Variants in SCFD1 observed in about 807,000 individuals in gnomAD.
The protein encoded by SCFD1 is sec1 family domain containing 1.
SCFD1 carries 37 observed loss-of-function variants against 103.2 expected under a neutral mutation model. The observed-to-expected ratio is 0.36, with a 90% CI of 0.28 to 0.47. The LOEUF is 0.47. Ranked by LOEUF, SCFD1 falls within the 20% of genes least tolerant of loss-of-function variation. SCFD1 has a pLI of 1.00. For missense variants in SCFD1, 639 were observed against 761.2 expected, an observed-to-expected ratio of 0.84 and a Z score of 1.89; for synonymous variants, 264 against 245.0, an observed-to-expected ratio of 1.08 and a Z score of -0.73.
intron 23 of SCFD1, among the ~76,000 whole-genome samples, chr14:30,733,001 T>C (rs1350914506): frequency 6.7e-6 from 1 of 148,346 alleles, no homozygotes; most frequent in African/African-American, 2.6e-5. Flanking sequence ...TAAAGTTCGA[T>C]TTTTTTTTCT....
In SCFD1 at chr14:30,705,345, A is replaced by G. The variant is rs113326902; in HGVS notation, c.1491-478A>G. On this transcript the variant is annotated intron_variant, in intron 17 of 24. Transcript: ENST00000458591. ...AAGGGAGCATAGAATGTAGGAAACA[A>G]TAAAAAGACTAAATTATTACATGGT... Among the ~76,000 whole-genome samples, 442 of 152,368 alleles carry G rather than the reference A, an allele frequency of 2.9e-3. 4 individuals are homozygous for G. Among genetic ancestry groups the G allele is most frequent in the African/African-American group, 9.2e-3 (381 of 41,586 alleles).
chr14:30,724,245 G>GGTTTT (rs1892867949), intron 23 of SCFD1, among the ~76,000 whole-genome samples: 1 of 69,682 alleles, frequency 1.4e-5, no homozygotes, highest in South Asian at 6.3e-4. Flanking sequence ...TTTTTTATGG[G>GGTTTT]TTTTTTTTTT....
At chr14:30,664,816 G>C (rs1420163390) in intron 10 of SCFD1, among the ~76,000 whole-genome samples, 1 of 152,124 alleles carries the variant, frequency 6.6e-6, no homozygotes, top group Non-Finnish European at 1.5e-5. Flanking sequence ...TCAAATTAAC[G>C]ATATGAAACA....
chr14:30,622,521 A>T (rs899172551), intron 1 of SCFD1, 122 bp downstream of exon 1: 14 of 1,423,160 alleles, frequency 9.8e-6, no homozygotes, highest in Non-Finnish European at 1.3e-5. Flanking sequence ...GAACATCAAG[A>T]GCCCCTCCCC....
chr14:30,728,834 G>C (rs991954182), intron 23 of SCFD1, among the ~76,000 whole-genome samples: 1 of 138,804 alleles, frequency 7.2e-6, no homozygotes, highest in Non-Finnish European at 1.5e-5. Flanking sequence ...TAGATCCTTT[G>C]TCCCTTTTTT....
chr14:30,669,666 C>T (rs1245234330), intron 10 of SCFD1: 2 of 152,008 alleles, frequency 1.3e-5, no homozygotes, highest in African/African-American at 4.8e-5. Context: ...GAAAGAGGGG[C>T]ATCACTTATT....
intron 9 of SCFD1, 100 bp downstream of exon 9, chr14:30,650,750 G>T: frequency 2.8e-6 from 2 of 706,256 alleles, no homozygotes; most frequent in Admixed American, 2.8e-5. Context: ...ATTGAAATTT[G>T]TTTCTTTTTA....
At chr14:30,732,891 A>G (rs555024980) in intron 23 of SCFD1, among the ~76,000 whole-genome samples, 1 of 152,336 alleles carries the variant, frequency 6.6e-6, no homozygotes, top group Non-Finnish European at 1.5e-5. Context: ...TGGGAACTTG[A>G]CTTAAAACCA....
chr14:30,683,145 G>A, intron 14 of SCFD1: 2 of 1,135,854 alleles, frequency 1.8e-6, no homozygotes, highest in Non-Finnish European at 2.6e-6. Context: ...TGTGTTCAAG[G>A]GGCTATCAAT....
rs538078097 is a variant in SCFD1 at position 30,647,506 on chromosome 14, A to G, written c.614-2022A>G. ...CAGGAGAAAAGCTGGTTAAAAATATATATTACCTTATGTGATTCTCTTCTT... is the reference window on the plus strand; with the variant it reads ...CAGGAGAAAAGCTGGTTAAAAATATGTATTACCTTATGTGATTCTCTTCTT... On this transcript the variant is annotated intron_variant, in intron 7 of 24. Coordinates refer to ENST00000458591, the MANE Select transcript of SCFD1 (RefSeq NM_016106.4). 1.6e-4 allele frequency among the ~76,000 whole-genome samples: 24 copies of G among 152,106 alleles called. No homozygotes were observed. The East Asian group carries it at 3.1e-3, about 20-fold the overall frequency.
At chr14:30,633,505 C>A (rs1884393070) in intron 3 of SCFD1, among the ~76,000 whole-genome samples, 1 of 152,004 alleles carries the variant, frequency 6.6e-6, no homozygotes, top group Admixed American at 6.6e-5. Context: ...TTTATAGCTT[C>A]TAAAGAATTG....
intron 19 of SCFD1, among the ~76,000 whole-genome samples, chr14:30,713,923 C>CTT (rs1566655286): frequency 1.3e-5 from 2 of 152,104 alleles, no homozygotes; most frequent in Non-Finnish European, 2.9e-5. Flanking sequence ...ATAGTTTTCT[C>CTT]TTTTGGATAA....
At chr14:30,660,285 C>T (rs1887319488) in intron 10 of SCFD1, among the ~76,000 whole-genome samples, 1 of 152,024 alleles carries the variant, frequency 6.6e-6, no homozygotes, top group Non-Finnish European at 1.5e-5. Context: ...TTTTGTATTC[C>T]CGATACTTTC....
At chr14:30,714,267 C>G (rs1215358718) in intron 19 of SCFD1, among the ~76,000 whole-genome samples, 1 of 150,672 alleles carries the variant, frequency 6.6e-6, no homozygotes, top group Non-Finnish European at 1.5e-5. Context: ...GGCAGGAGAA[C>G]GGCGTGAACC....
At position 30,622,601 on chromosome 14, in the gene SCFD1, C is replaced by T. The variant is rs575160271; in HGVS notation, c.61+202C>T. ...TCCTCCTGTGGTGCAGGAGAAGGAG[C>T]TTCAGCGGTGGGCGGATTGCTACGG... On this transcript the variant is annotated intron_variant, in intron 1 of 24. Coordinates refer to ENST00000458591, the MANE Select transcript of SCFD1 (RefSeq NM_016106.4). The T allele has an allele frequency of 1.1e-4, 94 of 886,010 alleles. No homozygotes were observed. The African/African-American group carries it at 1.3e-3, about 12-fold the overall frequency. The allele number at this position is 886,010 out of a possible 1,614,324, so 54.9% of individuals were successfully genotyped here.
intron 1 of SCFD1, among the ~76,000 whole-genome samples, chr14:30,624,447 CT>C (rs377158383): frequency 1.4e-4 from 22 of 152,266 alleles, no homozygotes; most frequent in African/African-American, 5.3e-4. Context: ...CAGTTCCGTC[CT>C]TTTAGTTGTT....
chr14:30,670,665 C>G (rs230365), intron 11 of SCFD1, among the ~76,000 whole-genome samples: 12,462 of 151,982 alleles, frequency 0.082, 844 homozygotes, highest in African/African-American at 0.18. Context: ...AATTTTGTTG[C>G]TGTCTCCACT....
At chr14:30,669,994 T>C in intron 10 of SCFD1, 1 of 311,616 alleles carries the variant, frequency 3.2e-6, no homozygotes, top group Non-Finnish European at 5.8e-6. Context: ...TGTGCTATTA[T>C]ATGCATCAAT....
chr14:30,639,985 G>A, intron 6 of SCFD1, 121 bp downstream of exon 6: 1 of 1,169,812 alleles, frequency 8.5e-7, no homozygotes, highest in Non-Finnish European at 1.1e-6. Flanking sequence ...TAGAGCTATA[G>A]AAGCTTTTTA....
Sources: gnomAD v4.1 joint callset for allele counts (sites outside exome capture counted in the v4.1 genomes callset) on GRCh38, gnomAD v4.1.1 for gene constraint, MANE v1.5 for transcripts, NCBI Gene and HGNC (gene_info 2026-07-23, HGNC 2026-07-21) for gene names.